The following NCF2 variants were observed in gnomAD, a reference collection of about 807,000 sequenced individuals.
NCF2 encodes the protein neutrophil cytosolic factor 2.
A neutral mutation model predicts 70.9 loss-of-function variants in NCF2; 45 were observed. The observed-to-expected ratio is 0.63, with a 90% confidence interval of 0.50 to 0.81. NCF2 has a LOEUF of 0.81. Among genes scored for constraint, NCF2 ranks in the 40% least tolerant of loss-of-function variants. NCF2 has a pLI of 0.00. For missense variants in NCF2, 522 were observed against 631.6 expected (o/e 0.83, Z 1.86); for synonymous variants, 203 against 233.6 (o/e 0.87, Z 1.19).
At chr1:183,589,905 G>A (rs571813523) in intron 1 of NCF2, among the ~76,000 whole-genome samples, 1 of 152,272 alleles carries the variant, frequency 6.6e-6, no homozygotes, top group South Asian at 2.1e-4. Context: ...CTTGTAGAAT[G>A]ATTTTAATTT....
At chr1:183,568,696 G>A (rs1372771824) in intron 7 of NCF2, among the ~76,000 whole-genome samples, 1 of 149,778 alleles carries the variant, frequency 6.7e-6, no homozygotes, top group South Asian at 2.1e-4. Flanking sequence ...CCTGACTCCA[G>A]AGAGCTCTGG....
upstream of NCF2, among the ~76,000 whole-genome samples, chr1:183,592,613 G>A (rs1313489629): frequency 5.3e-5 from 8 of 152,204 alleles, no homozygotes; most frequent in Non-Finnish European, 1.2e-4. Flanking sequence ...AGGTAGCAGT[G>A]ATGGCAGAAA....
At position 183,581,489 on chromosome 1, in the gene NCF2, T is replaced by C. The variant is rs957500124; in HGVS notation, c.258-3782A>G. 3.3e-5 allele frequency among the ~76,000 whole-genome samples: 5 copies of C among 151,576 alleles called. No individual in the cohort carries two copies. In the South Asian group the frequency reaches 1.0e-3, roughly 32 times the overall value. ...TCTCTAAAAAAAAAAAGATTACTTATTTTATTTATTAATTTTGTTATAGAG... is the reference window on the plus strand; with the variant it reads ...TCTCTAAAAAAAAAAAGATTACTTACTTTATTTATTAATTTTGTTATAGAG... On this transcript the variant is annotated intron_variant, in intron 2 of 14. Transcript: ENST00000367535.
At chr1:183,575,342 C>T (rs148992445) in intron 3 of NCF2, among the ~76,000 whole-genome samples, 44 of 152,280 alleles carry the variant, frequency 2.9e-4, no homozygotes, top group South Asian at 1.9e-3. Context: ...TGGTGGCAGG[C>T]ACCTGTAATC....
chr1:183,598,016 A>G, the NCF2 span: 1 of 152,274 alleles, frequency 6.6e-6, no homozygotes, highest in African/African-American at 2.4e-5. Context: ...TTCAGGATTT[A>G]GGACTGAGAG....
chr1:183,598,582 TA>T, the NCF2 span, among the ~76,000 whole-genome samples: 266 of 140,200 alleles, frequency 1.9e-3, no homozygotes, highest in East Asian at 5.1e-3. Context: ...TGAGGCTGCA[TA>T]AAAAAAAAAA....
intron 2 of NCF2, among the ~76,000 whole-genome samples, chr1:183,577,954 G>A (rs1174047567): frequency 6.6e-6 from 1 of 152,196 alleles, no homozygotes; most frequent in African/African-American, 2.4e-5. Context: ...ACAGTCACAG[G>A]GAGTTTCTTC....
intron 3 of NCF2, among the ~76,000 whole-genome samples, 200 bp from the exon 4 acceptor site, chr1:183,574,821 C>T (rs535272710): frequency 1.3e-5 from 2 of 152,190 alleles, no homozygotes; most frequent in Admixed American, 6.5e-5. Flanking sequence ...AAGAAAACAC[C>T]ATGGAATGCG....
intron 2 of NCF2, among the ~76,000 whole-genome samples, chr1:183,580,123 T>C (rs1394735696): frequency 6.6e-6 from 1 of 151,940 alleles, no homozygotes. Flanking sequence ...ACCATTAGGG[T>C]TGAGGTAAGT....
rs9425306 is a variant in NCF2 at position 183,560,519 on chromosome 1, G to A, written c.1291-246C>T. On this transcript the variant is annotated intron_variant, in intron 13 of 14. Coordinates refer to ENST00000367535, the MANE Select transcript of NCF2 (RefSeq NM_000433.4). The stretch of plus-strand genomic sequence containing the variant: ...GACAGTTTTTAGATGAATGGTGGTG[G>A]GTGGTGGGTTGGGGGGTGGTTTCAG... Among the ~76,000 whole-genome samples the A allele has an allele frequency of 0.24, 36,337 of 152,106 alleles. 5,368 individuals are homozygous for A. Among genetic ancestry groups the A allele is most frequent in the South Asian group, 0.33 (1,601 of 4,812 alleles).
the NCF2 span, among the ~76,000 whole-genome samples, chr1:183,599,436 T>TTCTTTCTTTC: frequency 1.1e-5 from 1 of 95,032 alleles, no homozygotes; most frequent in Non-Finnish European, 2.4e-5. Flanking sequence ...CTTTCTTTCT[T>TTCTTTCTTTC]TCTTTCTTTC....
Position 183,563,125 on chromosome 1 carries a change from G to A in NCF2, c.1290+70C>T. Reference sequence around the variant, plus strand: ...AGTGCCTAGTACACAGAAGGTGCTTGATAAATTTCAAATTGTTGAGGAAGT... The same window carrying A: ...AGTGCCTAGTACACAGAAGGTGCTTAATAAATTTCAAATTGTTGAGGAAGT... On this transcript the variant is annotated intron_variant, in intron 13 of 14. Coordinates refer to ENST00000367535, the MANE Select transcript of NCF2 (RefSeq NM_000433.4). 16 of 1,396,684 alleles carry A rather than the reference G, an allele frequency of 1.1e-5. No individual in the cohort carries two copies. The South Asian group carries it at 1.9e-4, about 16-fold the overall frequency. The allele number at this position is 1,396,684 out of a possible 1,614,324, so 86.5% of individuals were successfully genotyped here. A position where few individuals can be genotyped will look rare whatever the true frequency, so the allele number is the denominator to read the frequency against.
At chr1:183,559,530 T>C (rs772796708) in intron 14 of NCF2, among the ~76,000 whole-genome samples, 4 of 152,176 alleles carry the variant, frequency 2.6e-5, no homozygotes, top group Non-Finnish European at 5.9e-5. Context: ...TGAGAATCCA[T>C]GGTTTCCAAA....
chr1:183,570,744 G>A (rs899365276), intron 6 of NCF2, 36 bp downstream of exon 6: 1 of 1,605,642 alleles, frequency 6.2e-7, no homozygotes, highest in Non-Finnish European at 8.5e-7. Flanking sequence ...AAGCTCTCGA[G>A]ACCTAGGTCC....
Position 183,586,915 on chromosome 1 carries a change from C to G in NCF2, c.237G>C (p.Met79Ile), listed in dbSNP as rs770674754. The G allele has an allele frequency of 6.2e-7, 1 of 1,614,114 alleles. No individual in the cohort carries two copies. The highest frequency in any genetic ancestry group is 8.5e-7 in the Non-Finnish European group (1 of 1,179,958). ...HLAVAYFQRG[M>I]LYYQTEKYDL... is the part of the protein sequence containing the mutation. ...CTTACTTCTCTGTCTGGTAGTAGAG[C>G]ATCCCTCGTTGGAAGTAAGCCACTG... Residue 79 changes from methionine to isoleucine, a missense_variant, in exon 2 of 15, where the codon ATG becomes ATC. Met to Ile is a conservative substitution (Grantham distance 10). Coordinates refer to ENST00000367535, the MANE Select transcript of NCF2 (RefSeq NM_000433.4).
the NCF2 span, among the ~76,000 whole-genome samples, chr1:183,600,363 T>G: frequency 6.6e-6 from 1 of 152,246 alleles, no homozygotes. Context: ...CACCCAACTC[T>G]TGTGTCAGAT....
At chr1:183,559,876 C>G (rs1671965029) in intron 14 of NCF2, among the ~76,000 whole-genome samples, 1 of 152,068 alleles carries the variant, frequency 6.6e-6, no homozygotes, top group Non-Finnish European at 1.5e-5. Context: ...AAAACAAAAA[C>G]AAAACAACTC....
chr1:183,578,019 G>A (rs951182792), intron 2 of NCF2, among the ~76,000 whole-genome samples: 9 of 152,114 alleles, frequency 5.9e-5, no homozygotes, highest in African/African-American at 1.7e-4. Flanking sequence ...GTCGCTTTCC[G>A]ATGCAGCTCT....
upstream of NCF2, among the ~76,000 whole-genome samples, chr1:183,594,673 A>G (rs10797891): frequency 0.45 from 69,142 of 151,972 alleles, 16,151 homozygotes; most frequent in African/African-American, 0.53. Context: ...TCATCTCGAT[A>G]TTTTCAAAAT....
Sources: allele counts gnomAD v4.1 joint callset (sites outside exome capture counted in the v4.1 genomes callset), GRCh38; gene constraint gnomAD v4.1.1; transcripts MANE v1.5; gene names NCBI Gene and HGNC (gene_info 2026-07-23, HGNC 2026-07-21).